The following PIK3CG variants were observed in gnomAD, a reference collection of about 807,000 sequenced individuals.
The protein encoded by PIK3CG is phosphatidylinositol 4,5-bisphosphate 3-kinase catalytic subunit gamma isoform.
PIK3CG carries 55 observed loss-of-function variants against 102.3 expected under a neutral mutation model. That is an observed-to-expected ratio of 0.54 (90% CI 0.43 to 0.67). The LOEUF is 0.67. Among genes scored for constraint, PIK3CG ranks in the 30% least tolerant of loss-of-function variants. The pLI is 0.00. For synonymous variants in PIK3CG, 552 were observed against 540.0 expected, an observed-to-expected ratio of 1.02 and a Z score of -0.31; for missense variants, 1,258 against 1,391.8, an observed-to-expected ratio of 0.90 and a Z score of 1.53.
chr7:106,881,806 C>T (rs185447261), intron 6 of PIK3CG, among the ~76,000 whole-genome samples: 9 of 152,254 alleles, frequency 5.9e-5, no homozygotes, highest in African/African-American at 2.2e-4. Flanking sequence ...GCTAAGATCA[C>T]ACCACTGCAC....
chr7:106,875,477 C>A (rs1790695505), intron 5 of PIK3CG, among the ~76,000 whole-genome samples: 1 of 152,056 alleles, frequency 6.6e-6, no homozygotes, highest in South Asian at 2.1e-4. Flanking sequence ...AAAGTTCTGT[C>A]ATGTCCCATT....
At position 106,894,518 on chromosome 7, in the gene PIK3CG, C is replaced by G. The variant is rs1425167949; in HGVS notation, c.3030+8226C>G. On this transcript the variant is annotated intron_variant, in intron 10 of 10. Coordinates refer to ENST00000496166, the MANE Select transcript of PIK3CG (RefSeq NM_001282426.2). The surrounding 1 kb of genome is among the most constrained non-coding windows in gnomAD (Gnocchi z 4.4). The stretch of plus-strand genomic sequence containing the variant: ...TTTTGGATTTACCAGAAAGTGTGCT[C>G]TCATGCACTGTTAGGTCTAATAATC... Among the ~76,000 whole-genome samples the G allele has an allele frequency of 2.0e-5, 3 of 152,140 alleles. No individual in the cohort carries two copies. The highest frequency in any genetic ancestry group is 7.2e-5 in the African/African-American group (3 of 41,424).
chr7:106,896,894 T>G lies in PIK3CG; in HGVS notation c.3031-8215T>G, dbSNP rs572865478. Among the ~76,000 whole-genome samples, 254 of 152,336 alleles carry G rather than the reference T, an allele frequency of 1.7e-3. 2 individuals are homozygous for G. The highest frequency in any genetic ancestry group is 2.5e-3 in the South Asian group (12 of 4,828). On this transcript the variant is annotated intron_variant, in intron 10 of 10. Transcript: ENST00000496166. The stretch of plus-strand genomic sequence containing the variant: ...CTTGACATACAGAATGACACAAGCC[T>G]GACCTCAATTATCATTGCAGTTACC...
intron 6 of PIK3CG, among the ~76,000 whole-genome samples, chr7:106,881,013 T>C (rs1562960393): frequency 6.6e-6 from 1 of 152,054 alleles, no homozygotes. Context: ...AAAATAGCTC[T>C]CTGGTCAAAA....
intron 10 of PIK3CG, among the ~76,000 whole-genome samples, chr7:106,896,130 G>C (rs956582498): frequency 2.0e-5 from 3 of 152,214 alleles, no homozygotes; most frequent in Non-Finnish European, 2.9e-5. Context: ...CTTTATGTGA[G>C]TGAAATAGCC....
chr7:106,865,588 A>C (rs1362410887), intron 1 of PIK3CG, 162 bp downstream of exon 1: 1 of 152,244 alleles, frequency 6.6e-6, no homozygotes, highest in Non-Finnish European at 1.5e-5. Flanking sequence ...GTGGATATCT[A>C]CAACGTTCCG....
rs182584883 is a variant in PIK3CG at position 106,907,409 on chromosome 7, G to A, written c.*2022G>A. Among the ~76,000 whole-genome samples, 84 of 152,222 alleles carry A rather than the reference G, an allele frequency of 5.5e-4. No individual in the cohort carries two copies. In the Middle Eastern group the frequency reaches 0.01, roughly 18 times the overall value. ...TCTACCCACCTGTACAGAAGACCAT[G>A]CCCTATAATGAAATGTTTATTCCTA... On this transcript the variant is annotated 3_prime_UTR_variant, in exon 11 of 11. Transcript: ENST00000496166.
At chr7:106,898,749 TG>T (rs778819531) in intron 10 of PIK3CG, among the ~76,000 whole-genome samples, 4 of 152,204 alleles carry the variant, frequency 2.6e-5, no homozygotes, top group Non-Finnish European at 5.9e-5. Context: ...TGCCTGTTTT[TG>T]TACCATTACC....
intron 10 of PIK3CG, among the ~76,000 whole-genome samples, chr7:106,889,477 CAG>C (rs1420000499): frequency 6.6e-6 from 1 of 152,172 alleles, no homozygotes; most frequent in Non-Finnish European, 1.5e-5. Flanking sequence ...AATAATGTCT[CAG>C]AATCTTGTAT....
Position 106,904,879 on chromosome 7 carries a change from G to C in PIK3CG, c.3031-230G>C, listed in dbSNP as rs369389758. ...GTAAGAAATAAGCTGAAACTTGTCT[G>C]TATCAATTAGTTTTCCTTGAGCACT... is the stretch of plus-strand genomic sequence containing the variant. On this transcript the variant is annotated intron_variant, in intron 10 of 10. Transcript: ENST00000496166. Among the ~76,000 whole-genome samples the C allele has an allele frequency of 5.3e-5, 8 of 152,186 alleles. No homozygotes were observed. In the South Asian group the frequency reaches 1.2e-3, roughly 24 times the overall value.
intron 5 of PIK3CG, among the ~76,000 whole-genome samples, chr7:106,878,251 A>G (rs187540997): frequency 1.2e-4 from 18 of 152,252 alleles, no homozygotes; most frequent in African/African-American, 4.1e-4. Flanking sequence ...TTGTGTCTGC[A>G]TAATACGTCT....
At position 106,874,236 on chromosome 7, in the gene PIK3CG, A is replaced by G. The variant is rs116028421; in HGVS notation, c.2288-464A>G. Among the ~76,000 whole-genome samples the G allele has an allele frequency of 0.012, 1,898 of 152,270 alleles. 41 individuals carry two copies. The highest frequency in any genetic ancestry group is 0.044 in the African/African-American group (1,839 of 41,528). ...TAAGGCTGTCACATCCATCTTCTCT[A>G]CTTCTCTACAGAACCTAACTTCCTC... On this transcript the variant is annotated intron_variant, in intron 4 of 10. Transcript: ENST00000496166. The surrounding 1 kb of genome is among the most constrained non-coding windows in gnomAD (Gnocchi z 4.3).
intron 5 of PIK3CG, among the ~76,000 whole-genome samples, chr7:106,875,371 A>AG (rs1790689254): frequency 6.6e-6 from 1 of 151,778 alleles, no homozygotes; most frequent in African/African-American, 2.4e-5. Flanking sequence ...AAAAAAAAAA[A>AG]AAAAGTAGAA....
rs1562803070 is a variant in PIK3CG at position 106,902,226 on chromosome 7, C to G, written c.3031-2883C>G. Reference sequence around the variant, plus strand: ...CAGGATGGAGAGTCTGTGCTGTGGGCCCAAGCCAGGGGTTTCCTGTCTTGT... The same window carrying G: ...CAGGATGGAGAGTCTGTGCTGTGGGGCCAAGCCAGGGGTTTCCTGTCTTGT... On this transcript the variant is annotated intron_variant, in intron 10 of 10. Coordinates refer to ENST00000496166, the MANE Select transcript of PIK3CG (RefSeq NM_001282426.2). The surrounding 1 kb of genome is among the most constrained non-coding windows in gnomAD (Gnocchi z 4.3). Among the ~76,000 whole-genome samples, 1 of 146,406 alleles carries G rather than the reference C, an allele frequency of 6.8e-6. No homozygotes were observed. The highest frequency in any genetic ancestry group is 1.5e-5 in the Non-Finnish European group (1 of 66,044).
At position 106,880,941 on chromosome 7, in the gene PIK3CG, A is replaced by G. The variant is rs950304754; in HGVS notation, c.2539-1176A>G. On this transcript the variant is annotated intron_variant, in intron 6 of 10. Coordinates refer to ENST00000496166, the MANE Select transcript of PIK3CG (RefSeq NM_001282426.2). The surrounding 1 kb of genome is among the most constrained non-coding windows in gnomAD (Gnocchi z 4.2). Reference sequence around the variant, plus strand: ...TCCTCCCACCTCAGCCTCCCACACAACTTTCACAGTCTTCTCCTTTTCTTT... The same window carrying G: ...TCCTCCCACCTCAGCCTCCCACACAGCTTTCACAGTCTTCTCCTTTTCTTT... Among the ~76,000 whole-genome samples, 6 of 151,880 alleles carry G rather than the reference A, an allele frequency of 4.0e-5. No individual in the cohort carries two copies. Among genetic ancestry groups the G allele is most frequent in the African/African-American group, 1.2e-4 (5 of 41,356 alleles).
Position 106,879,388 on chromosome 7 carries a change from A to G in PIK3CG, c.2392-131A>G. 1 of 797,850 alleles carries G rather than the reference A, an allele frequency of 1.3e-6. No homozygotes were observed. The highest frequency in any genetic ancestry group is 2.1e-6 in the Non-Finnish European group (1 of 474,928). The allele number at this position is 797,850 out of a possible 1,614,324, so 49.4% of individuals were successfully genotyped here. ...ACAACTTCTGTATTTTTACCCAAAT[A>G]TTGAAAATCATTCTCCAACTAGGAC... is the stretch of plus-strand genomic sequence containing the variant. On this transcript the variant is annotated intron_variant, in intron 5 of 10. Transcript: ENST00000496166. The surrounding 1 kb of genome is among the most constrained non-coding windows in gnomAD (Gnocchi z 4.9).
Position 106,894,498 on chromosome 7 carries a change from GATTTACC to G in PIK3CG, c.3030+8208_3030+8214del. 1.3e-5 allele frequency among the ~76,000 whole-genome samples: 2 copies of G among 152,112 alleles called. No individual in the cohort carries two copies. The highest frequency in any genetic ancestry group is 4.8e-5 in the African/African-American group (2 of 41,410). On this transcript the variant is annotated intron_variant, in intron 10 of 10. Transcript: ENST00000496166. The surrounding 1 kb of genome is among the most constrained non-coding windows in gnomAD (Gnocchi z 4.4). ...AAGTACCAGACACACTCCTCTTTTGGATTTACCAGAAAGTGTGCTCTCATGCACTGTT... is the reference window on the plus strand; with the variant it reads ...AAGTACCAGACACACTCCTCTTTTGGAGAAAGTGTGCTCTCATGCACTGTT...
At chr7:106,901,384 A>C (rs1791550195) in intron 10 of PIK3CG, among the ~76,000 whole-genome samples, 1 of 151,690 alleles carries the variant, frequency 6.6e-6, no homozygotes, top group African/African-American at 2.4e-5. Context: ...TGAAATTCTT[A>C]TATTGTGTTA....
chr7:106,884,117 G>C lies in PIK3CG; in HGVS notation c.2761-38G>C, dbSNP rs1204310206. The C allele has an allele frequency of 1.4e-6, 2 of 1,406,234 alleles. No individual in the cohort carries two copies. The highest frequency in any genetic ancestry group is 2.0e-6 in the Non-Finnish European group (2 of 995,932). The allele number at this position is 1,406,234 out of a possible 1,614,324, so 87.1% of individuals were successfully genotyped here. A position where few individuals can be genotyped will look rare whatever the true frequency, so the allele number is the denominator to read the frequency against. ...TTGTAGATTCATGATGCTTTTTGTA[G>C]TTAGAAGACAACTAATATTCAAATG... On this transcript the variant is annotated intron_variant, in intron 8 of 10. Transcript: ENST00000496166. This position sits in a 1 kb window ranked among gnomAD's most constrained non-coding sequence, Gnocchi z 4.2.
Sources: gnomAD v4.1 joint callset for allele counts (sites outside exome capture counted in the v4.1 genomes callset) on GRCh38, gnomAD v4.1.1 for gene constraint, Gnocchi (gnomAD v3.1) non-coding constraint, MANE v1.5 for transcripts, NCBI Gene and HGNC (gene_info 2026-07-23, HGNC 2026-07-21) for gene names.